CLVS2: variants seen among roughly 807,000 people sequenced by gnomAD.
CLVS2 encodes the protein clavesin 2.
Under a neutral mutation model 29.0 loss-of-function variants are expected in CLVS2, and 19 were observed. That is an observed-to-expected ratio of 0.66 (90% CI 0.46 to 0.96). CLVS2 has a LOEUF of 0.96. Ranked by LOEUF, CLVS2 falls within the 40% of genes least tolerant of loss-of-function variation. The pLI, the probability that CLVS2 is intolerant of heterozygous loss-of-function variation, is 0.00. For missense variants in CLVS2, 294 were observed against 404.1 expected, an observed-to-expected ratio of 0.73 and a Z score of 2.34; for synonymous variants, 161 against 151.3, an observed-to-expected ratio of 1.06 and a Z score of -0.47.
At chr6:123,047,686 A>G (rs1474365753) in intron 3 of CLVS2, among the ~76,000 whole-genome samples, 1 of 152,152 alleles carries the variant, frequency 6.6e-6, no homozygotes, top group East Asian at 1.9e-4. Context: ...TGCTCTAAAT[A>G]GAATTCAGAA....
intron 3 of CLVS2, among the ~76,000 whole-genome samples, chr6:123,038,992 C>T (rs752002871): frequency 6.6e-6 from 1 of 152,150 alleles, no homozygotes; most frequent in South Asian, 2.1e-4. Context: ...TATGGCCCCT[C>T]CTCAGAATAT....
chr6:123,010,877 G>T (rs1774737413), intron 2 of CLVS2, 108 bp from the exon 3 acceptor site: 2 of 655,124 alleles, frequency 3.1e-6, no homozygotes, highest in East Asian at 3.0e-5. Context: ...ATTTCCTTAA[G>T]ATTCTGAAGG....
intron 3 of CLVS2, among the ~76,000 whole-genome samples, chr6:123,017,334 T>C (rs968955722): frequency 6.6e-6 from 1 of 152,042 alleles, no homozygotes; most frequent in African/African-American, 2.4e-5. Context: ...TTATGATACA[T>C]TGATGGGAGG....
chr6:123,038,691 G>T (rs529514708), intron 3 of CLVS2, among the ~76,000 whole-genome samples: 1 of 151,308 alleles, frequency 6.6e-6, no homozygotes, highest in Non-Finnish European at 1.5e-5. Context: ...ACCTAATATT[G>T]TATATTGATT....
At chr6:123,015,495 C>T (rs939390796) in intron 3 of CLVS2, among the ~76,000 whole-genome samples, 1 of 152,078 alleles carries the variant, frequency 6.6e-6, no homozygotes, top group Admixed American at 6.6e-5. Flanking sequence ...GACCTCAAGG[C>T]TTGAGTCCTG....
chr6:123,055,970 C>T lies in CLVS2; in HGVS notation c.840C>T (p.Ser280=), dbSNP rs1162376714. The stretch of plus-strand genomic sequence containing the variant: ...ATGACAGCGAGTACAATGTAGACTC[C>T]TACAGCATGCCTGTGAAGGAAGTAG... ...YDDDSEYNVD[S]YSMPVKEVEK... is the part of the protein sequence containing the mutation. The change falls in exon 5 of 6, where the codon TCC becomes TCT. Residue 280 remains serine, a synonymous_variant. Transcript: ENST00000275162. 2 of 1,613,972 alleles carry T rather than the reference C, an allele frequency of 1.2e-6. No individual in the cohort carries two copies. The highest frequency in any genetic ancestry group is 1.7e-6 in the Non-Finnish European group (2 of 1,179,948).
intron 3 of CLVS2, among the ~76,000 whole-genome samples, chr6:123,047,153 A>C (rs1772525864): frequency 6.6e-6 from 1 of 152,096 alleles, no homozygotes; most frequent in Admixed American, 6.6e-5. Flanking sequence ...AAACCTCTCT[A>C]TGACTCCCAT....
Position 123,040,754 on chromosome 6 carries a change from T to C in CLVS2, c.565-7868T>C, listed in dbSNP as rs978401157. ...TTGCACTCCAGCCTGGGTAGCAAAG[T>C]GAGACTCCGTCTCAAAAAAGAAAAG... On this transcript the variant is annotated intron_variant, in intron 3 of 5. Transcript: ENST00000275162. 5.4e-5 allele frequency among the ~76,000 whole-genome samples: 6 copies of C among 110,512 alleles called. No homozygotes were observed. In the South Asian group the frequency reaches 1.3e-3, roughly 24 times the overall value. The allele number at this position is 110,512 out of a possible 152,430, so 72.5% of individuals were successfully genotyped here. A position where few individuals can be genotyped will look rare whatever the true frequency, so the allele number is the denominator to read the frequency against.
intron 2 of CLVS2, among the ~76,000 whole-genome samples, chr6:122,999,350 G>A (rs1481303634): frequency 6.6e-6 from 1 of 151,980 alleles, no homozygotes; most frequent in Non-Finnish European, 1.5e-5. Flanking sequence ...TCATTTTATT[G>A]TGATTTTTTT....
At chr6:123,017,908 T>C (rs529394668) in intron 3 of CLVS2, among the ~76,000 whole-genome samples, 2 of 152,128 alleles carry the variant, frequency 1.3e-5, no homozygotes, top group African/African-American at 4.8e-5. Context: ...AAAAGTAAAA[T>C]AGAGAAATGA....
At chr6:123,054,736 G>A (rs1441894497) in intron 4 of CLVS2, among the ~76,000 whole-genome samples, 1 of 152,012 alleles carries the variant, frequency 6.6e-6, no homozygotes, top group Non-Finnish European at 1.5e-5. Context: ...AGGCCAATCT[G>A]TAGTTTTGAA....
rs1391119466 is a variant in CLVS2 at position 123,046,672 on chromosome 6, AAT to A, written c.565-1948_565-1947del. 8.3e-3 allele frequency among the ~76,000 whole-genome samples: 1,099 copies of A among 132,644 alleles called. 7 individuals are homozygous for A. Among genetic ancestry groups the A allele is most frequent in the African/African-American group, 0.023 (838 of 35,706 alleles). The allele number at this position is 132,644 out of a possible 152,430, so 87.0% of individuals were successfully genotyped here. ...AAACTCAGTCTCAAAAAAAAAAAAA[AAT>A]AATAATAATAATCACTTGAGCCAAG... On this transcript the variant is annotated intron_variant, in intron 3 of 5. Transcript: ENST00000275162.
At position 123,031,507 on chromosome 6, in the gene CLVS2, T is replaced by C. The variant is rs76709607; in HGVS notation, c.565-17115T>C. On this transcript the variant is annotated intron_variant, in intron 3 of 5. Transcript: ENST00000275162. ...TGAAATTTGCTAAGAAGGTAGACTT[T>C]AAGTGTTTTCACCACACACACATAC... Among the ~76,000 whole-genome samples the C allele has an allele frequency of 4.0e-3, 607 of 152,338 alleles. 3 individuals are homozygous for C. The highest frequency in any genetic ancestry group is 0.024 in the Middle Eastern group (7 of 294).
At chr6:123,006,076 G>A (rs1271216955) in intron 2 of CLVS2, among the ~76,000 whole-genome samples, 2 of 152,182 alleles carry the variant, frequency 1.3e-5, no homozygotes, top group Admixed American at 6.5e-5. Context: ...AACAAACACT[G>A]AAGCACTATA....
In CLVS2 at chr6:123,070,085, AG is replaced by A. The variant is rs1472672510; in HGVS notation, c.*6325del. The A allele has an allele frequency of 6.6e-6, 1 of 151,986 alleles. No individual in the cohort carries two copies. The highest frequency in any genetic ancestry group is 6.6e-5 in the Admixed American group (1 of 15,216). The allele number at this position is 151,986 out of a possible 1,614,324, so 9.4% of individuals were successfully genotyped here. ...AATATAATTATTAAGTTTTAGTGCT[AG>A]AAAAATTGTTGTTTTTTGTGTTTTG... On this transcript the variant is annotated 3_prime_UTR_variant, in exon 6 of 6. Transcript: ENST00000275162.
Position 123,021,891 on chromosome 6 carries a change from C to A in CLVS2, c.564+10732C>A, listed in dbSNP as rs141153710. Reference sequence around the variant, plus strand: ...TTGGCTAGAATAGTACAGTTATTACCTAAAATTGTTGCTAGTATGTATCTT... The same window carrying A: ...TTGGCTAGAATAGTACAGTTATTACATAAAATTGTTGCTAGTATGTATCTT... On this transcript the variant is annotated intron_variant, in intron 3 of 5. Coordinates refer to ENST00000275162, the MANE Select transcript of CLVS2 (RefSeq NM_001010852.4). 1.3e-4 allele frequency among the ~76,000 whole-genome samples: 20 copies of A among 152,004 alleles called. No homozygotes were observed. The East Asian group carries it at 3.9e-3, about 30-fold the overall frequency.
intron 3 of CLVS2, among the ~76,000 whole-genome samples, chr6:123,019,688 G>A (rs145252820): frequency 7.8e-4 from 118 of 152,076 alleles, no homozygotes; most frequent in African/African-American, 2.7e-3. Context: ...CAGGACAGCT[G>A]CATTAGTCTG....
chr6:123,058,327 T>C (rs967277936), intron 5 of CLVS2, among the ~76,000 whole-genome samples: 1 of 152,184 alleles, frequency 6.6e-6, no homozygotes, highest in Admixed American at 6.5e-5. Flanking sequence ...TTCTCAGAAC[T>C]GAACTACATA....
intron 3 of CLVS2, among the ~76,000 whole-genome samples, chr6:123,013,368 TAGTC>T (rs1220056553): frequency 6.6e-6 from 1 of 152,022 alleles, no homozygotes; most frequent in African/African-American, 2.4e-5. Flanking sequence ...CTCTTCCAGT[TAGTC>T]AGTAAAATGA....
Sources: allele counts gnomAD v4.1 joint callset (sites outside exome capture counted in the v4.1 genomes callset), GRCh38; gene constraint gnomAD v4.1.1; transcripts MANE v1.5; gene names NCBI Gene and HGNC (gene_info 2026-07-23, HGNC 2026-07-21).